SGCZ: variants seen among roughly 807,000 people sequenced by gnomAD.
SGCZ encodes the protein zeta-sarcoglycan.
Under a neutral mutation model 41.3 loss-of-function variants are expected in SGCZ, and 40 were observed. The ratio of observed to expected loss-of-function variants is 0.97; its 90% CI spans 0.75 to 1.26. SGCZ has a LOEUF of 1.26. Among genes scored for constraint, SGCZ ranks in the 50% most tolerant of loss-of-function variants. The probability of loss-of-function intolerance (pLI) is 0.00; values close to 1 mark genes in which losing one functional copy is unlikely to be tolerated. For missense variants in SGCZ, 552 were observed against 369.8 expected (o/e 1.49, Z -4.04); for synonymous variants, 206 against 137.5 (o/e 1.50, Z -3.49).
At chr8:15,056,283 A>C (rs1286616590) in intron 1 of SGCZ, among the ~76,000 whole-genome samples, 1 of 152,188 alleles carries the variant, frequency 6.6e-6, no homozygotes. Context: ...TTGCTGACAT[A>C]AGATAATATG....
chr8:14,392,042 A>G (rs139167062), intron 2 of SGCZ, among the ~76,000 whole-genome samples: 10 of 152,292 alleles, frequency 6.6e-5, no homozygotes, highest in African/African-American at 2.4e-4. Flanking sequence ...TTGAGTATGG[A>G]CACAGATCCA....
At chr8:15,193,757 A>G (rs1225607890) in intron 1 of SGCZ, among the ~76,000 whole-genome samples, 1 of 152,216 alleles carries the variant, frequency 6.6e-6, no homozygotes, top group Non-Finnish European at 1.5e-5. Flanking sequence ...ACTTCAATAT[A>G]TGAAAATATA....
chr8:14,625,432 T>C (rs1053092101), intron 1 of SGCZ, among the ~76,000 whole-genome samples: 3 of 152,214 alleles, frequency 2.0e-5, no homozygotes, highest in South Asian at 2.1e-4. Context: ...ATATATTTTA[T>C]GATACATTGT....
intron 1 of SGCZ, among the ~76,000 whole-genome samples, chr8:14,747,963 T>G (rs1799388429): frequency 6.7e-6 from 1 of 149,756 alleles, no homozygotes; most frequent in Admixed American, 6.8e-5. Context: ...TGAACTCAGG[T>G]GATTCACCCA....
intron 1 of SGCZ, among the ~76,000 whole-genome samples, chr8:14,909,884 G>T (rs1351710244): frequency 6.6e-6 from 1 of 152,020 alleles, no homozygotes; most frequent in African/African-American, 2.4e-5. Context: ...CTATATAGTG[G>T]AAACTCATAT....
intron 1 of SGCZ, among the ~76,000 whole-genome samples, chr8:14,569,122 T>C (rs985736997): frequency 2.6e-5 from 4 of 152,168 alleles, no homozygotes; most frequent in African/African-American, 9.7e-5. Context: ...CATGTCTGAA[T>C]CAATACTACT....
chr8:14,606,793 G>A (rs1805764691), intron 1 of SGCZ, among the ~76,000 whole-genome samples: 1 of 152,168 alleles, frequency 6.6e-6, no homozygotes, highest in Non-Finnish European at 1.5e-5. Context: ...ATGCTATGAT[G>A]TGGTTTATTT....
chr8:15,188,514 T>C (rs1800422688), intron 1 of SGCZ, among the ~76,000 whole-genome samples: 1 of 152,140 alleles, frequency 6.6e-6, no homozygotes, highest in African/African-American at 2.4e-5. Context: ...TGTGTTGAGA[T>C]TGTTTCATTT....
intron 2 of SGCZ, among the ~76,000 whole-genome samples, chr8:14,434,467 T>A (rs1418092754): frequency 2.0e-5 from 3 of 152,204 alleles, no homozygotes; most frequent in Non-Finnish European, 4.4e-5. Context: ...TTGGGTTCCA[T>A]ATGAATTTTA....
chr8:14,830,967 T>C (rs1472910916), intron 1 of SGCZ, among the ~76,000 whole-genome samples: 1 of 152,154 alleles, frequency 6.6e-6, no homozygotes, highest in African/African-American at 2.4e-5. Context: ...GAAGTGGAAG[T>C]GTAGAAAGAG....
chr8:14,942,504 A>C (rs2130822467), intron 1 of SGCZ, among the ~76,000 whole-genome samples: 1 of 152,258 alleles, frequency 6.6e-6, no homozygotes, highest in East Asian at 1.9e-4. Context: ...CATAATCAAA[A>C]GATTCCTTGG....
intron 1 of SGCZ, among the ~76,000 whole-genome samples, chr8:14,712,241 C>G (rs1278309641): frequency 2.6e-5 from 4 of 152,186 alleles, no homozygotes; most frequent in Middle Eastern, 3.2e-3. Flanking sequence ...AAAGTATTCC[C>G]CCTCTCCCTC....
chr8:14,242,401 G>C (rs1329133692), intron 3 of SGCZ, among the ~76,000 whole-genome samples: 1 of 152,194 alleles, frequency 6.6e-6, no homozygotes, highest in Non-Finnish European at 1.5e-5. Flanking sequence ...ATAATAACAT[G>C]ATTGTAAGAC....
chr8:15,189,689 C>T (rs571791090), intron 1 of SGCZ, among the ~76,000 whole-genome samples: 6 of 151,982 alleles, frequency 3.9e-5, no homozygotes, highest in Admixed American at 6.6e-5. Context: ...GCTGGGATTA[C>T]AGGTGCGTGC....
chr8:14,382,419 A>T lies in SGCZ; in HGVS notation c.235-58215T>A, dbSNP rs539669131. Among the ~76,000 whole-genome samples the T allele has an allele frequency of 1.3e-3, 200 of 149,378 alleles. 1 individual carries two copies. Among genetic ancestry groups the T allele is most frequent in the African/African-American group, 4.0e-3 (161 of 40,242 alleles). ...CTGATGGTCACTAACAAAAAAATTT[A>T]AAAAAAAACACAATACCATATCACA... On this transcript the variant is annotated intron_variant, in intron 2 of 7. Coordinates refer to ENST00000382080, the MANE Select transcript of SGCZ (RefSeq NM_139167.4).
intron 1 of SGCZ, among the ~76,000 whole-genome samples, chr8:14,760,916 C>G (rs1239610407): frequency 1.3e-5 from 2 of 152,106 alleles, no homozygotes; most frequent in Non-Finnish European, 2.9e-5. Flanking sequence ...TGGCAAAGGT[C>G]TCAGAAGCTC....
At chr8:14,515,491 G>C (rs943127589) in intron 2 of SGCZ, among the ~76,000 whole-genome samples, 14 of 151,974 alleles carry the variant, frequency 9.2e-5, no homozygotes, top group Non-Finnish European at 1.8e-4. Context: ...CAACAAATCT[G>C]TGAATATTTC....
At chr8:15,233,617 G>C (rs1004633581) in intron 1 of SGCZ, among the ~76,000 whole-genome samples, 1 of 151,962 alleles carries the variant, frequency 6.6e-6, no homozygotes, top group Non-Finnish European at 1.5e-5. Flanking sequence ...CAATTAAGCA[G>C]AGAAAAATGA....
chr8:14,730,428 C>A (rs1810199315), intron 1 of SGCZ, among the ~76,000 whole-genome samples: 1 of 151,290 alleles, frequency 6.6e-6, no homozygotes, highest in South Asian at 2.1e-4. Flanking sequence ...TAAAGTGCAA[C>A]CTGCTCTTGT....
Sources: gnomAD v4.1 joint callset for allele counts (sites outside exome capture counted in the v4.1 genomes callset) on GRCh38, gnomAD v4.1.1 for gene constraint, MANE v1.5 for transcripts, NCBI Gene and HGNC (gene_info 2026-07-23, HGNC 2026-07-21) for gene names.